Variants in MYRIP observed in about 807,000 individuals in gnomAD.
MYRIP encodes the protein rab effector MyRIP.
Under a neutral mutation model 98.0 loss-of-function variants are expected in MYRIP, and 49 were observed. The ratio of observed to expected loss-of-function variants is 0.50; its 90% CI spans 0.40 to 0.63. The LOEUF (loss-of-function observed/expected upper bound fraction) is 0.63, where lower values mean the gene tolerates loss of function less well. MYRIP is among the 30% of genes least tolerant of loss of function. The pLI, the probability that MYRIP is intolerant of heterozygous loss-of-function variation, is 0.00. For synonymous variants in MYRIP, 404 were observed against 409.5 expected, an observed-to-expected ratio of 0.99 and a Z score of 0.16; for missense variants, 1,004 against 1,058.2, an observed-to-expected ratio of 0.95 and a Z score of 0.71.
At chr3:40,154,787 C>T (rs966835048) in intron 4 of MYRIP, among the ~76,000 whole-genome samples, 1 of 151,910 alleles carries the variant, frequency 6.6e-6, no homozygotes, top group African/African-American at 2.4e-5. Flanking sequence ...TTTATGAGAA[C>T]AGAGAACACA....
intron 10 of MYRIP, among the ~76,000 whole-genome samples, chr3:40,202,038 T>G (rs1472341897): frequency 6.6e-6 from 1 of 152,192 alleles, no homozygotes; most frequent in African/African-American, 2.4e-5. Flanking sequence ...TTTGCCACAC[T>G]GAGTGCCCTA....
intron 3 of MYRIP, among the ~76,000 whole-genome samples, chr3:40,074,739 T>C (rs1199320533): frequency 1.3e-5 from 2 of 152,090 alleles, no homozygotes; most frequent in African/African-American, 2.4e-5. Context: ...AAAGGAGCTA[T>C]CCAAAATATA....
chr3:39,834,629 A>G (rs956222690), intron 1 of MYRIP, among the ~76,000 whole-genome samples: 29 of 152,188 alleles, frequency 1.9e-4, no homozygotes, highest in African/African-American at 5.8e-4. Flanking sequence ...GTCTCAGAAT[A>G]TTTTCATATG....
intron 3 of MYRIP, among the ~76,000 whole-genome samples, chr3:40,147,459 T>C (rs1320902770): frequency 6.6e-6 from 1 of 152,224 alleles, no homozygotes; most frequent in Non-Finnish European, 1.5e-5. Context: ...GATCATTTTA[T>C]ACTTTGTCTA....
At chr3:39,829,248 T>C (rs947194504) in intron 1 of MYRIP, among the ~76,000 whole-genome samples, 2 of 152,230 alleles carry the variant, frequency 1.3e-5, no homozygotes, top group Non-Finnish European at 2.9e-5. Context: ...GATCTTTTAC[T>C]GTAGAATTAT....
chr3:39,810,339 C>T (rs533061876), intron 1 of MYRIP: 1 of 152,566 alleles, frequency 6.6e-6, no homozygotes, highest in East Asian at 1.9e-4. Context: ...GGACCTGACT[C>T]AAACTCTTAA....
intron 12 of MYRIP, among the ~76,000 whole-genome samples, chr3:40,242,766 T>C (rs959619539): frequency 5.3e-5 from 8 of 152,286 alleles, no homozygotes; most frequent in African/African-American, 1.7e-4. Flanking sequence ...ATTTACTTTT[T>C]TGGTGTAGAT....
intron 9 of MYRIP, among the ~76,000 whole-genome samples, chr3:40,184,363 A>T (rs1010795747): frequency 3.3e-5 from 5 of 152,044 alleles, no homozygotes; most frequent in African/African-American, 7.2e-5. Context: ...AAAGTATAAT[A>T]AAAAAAATAC....
intron 2 of MYRIP, among the ~76,000 whole-genome samples, chr3:39,981,664 A>G (rs548994295): frequency 9.9e-5 from 15 of 152,236 alleles, no homozygotes; most frequent in Admixed American, 2.0e-4. Flanking sequence ...AGTCATTTTC[A>G]TTGTCAGCCT....
At chr3:40,021,002 C>A (rs1315440467) in intron 2 of MYRIP, among the ~76,000 whole-genome samples, 1 of 152,108 alleles carries the variant, frequency 6.6e-6, no homozygotes, top group Non-Finnish European at 1.5e-5. Flanking sequence ...CTCTTCTCTA[C>A]CTCCACAGAT....
intron 3 of MYRIP, among the ~76,000 whole-genome samples, chr3:40,080,270 C>A (rs916718232): frequency 3.3e-5 from 5 of 152,230 alleles, no homozygotes; most frequent in African/African-American, 1.2e-4. Context: ...GCATTCCTGG[C>A]ACAAACCCAG....
chr3:39,849,500 G>C (rs1942063322), intron 1 of MYRIP, among the ~76,000 whole-genome samples: 2 of 152,196 alleles, frequency 1.3e-5, no homozygotes, highest in South Asian at 4.1e-4. Context: ...GGGAGACAGA[G>C]GTCCAGCCTT....
chr3:40,254,376 CACAG>C (rs946094964), intron 16 of MYRIP, among the ~76,000 whole-genome samples: 15 of 145,808 alleles, frequency 1.0e-4, no homozygotes, highest in Admixed American at 1.0e-3. Context: ...CATCAGGTGA[CACAG>C]ACAAATGGGG....
chr3:40,212,231 CACACACACACACACATATATATATAT>C lies in MYRIP; in HGVS notation c.1905+2143_1905+2168del, dbSNP rs1559456844. On this transcript the variant is annotated intron_variant, in intron 11 of 16. Transcript: ENST00000302541. ...GTGTGTGTATATATATATATACACA[CACACACACACACACATATATATATAT>C]ACACGTATATATATAGAGAGAGAGC... Among the ~76,000 whole-genome samples, 8 of 33,972 alleles carry C rather than the reference CACACACACACACACATATATATATAT, an allele frequency of 2.4e-4. 1 individual carries two copies. Among genetic ancestry groups the C allele is most frequent in the African/African-American group, 5.7e-4 (8 of 14,118 alleles). 22.3% of individuals were successfully genotyped at this position (33,972 alleles called of 152,430 possible). A position where few individuals can be genotyped will look rare whatever the true frequency, so the allele number is the denominator to read the frequency against.
intron 2 of MYRIP, among the ~76,000 whole-genome samples, chr3:39,955,697 T>C (rs1945138878): frequency 1.3e-5 from 2 of 152,116 alleles, no homozygotes. Context: ...TAAATGTAAA[T>C]GGGCTAAATG....
At chr3:39,828,903 G>A (rs942740108) in intron 1 of MYRIP, among the ~76,000 whole-genome samples, 33 of 152,102 alleles carry the variant, frequency 2.2e-4, no homozygotes, top group Admixed American at 2.0e-3. Context: ...TTGGTTCCAC[G>A]ATTCTGCTAT....
At chr3:40,216,764 G>C (rs1298670825) in intron 11 of MYRIP, among the ~76,000 whole-genome samples, 1 of 152,134 alleles carries the variant, frequency 6.6e-6, no homozygotes, top group East Asian at 1.9e-4. Flanking sequence ...ACATGATGAA[G>C]AAAATCCACT....
chr3:40,159,419 C>T (rs561544498), intron 4 of MYRIP, among the ~76,000 whole-genome samples: 134 of 152,220 alleles, frequency 8.8e-4, no homozygotes, highest in African/African-American at 3.1e-3. Flanking sequence ...TCTCTGGCTG[C>T]CCTTAACATT....
intron 2 of MYRIP, among the ~76,000 whole-genome samples, chr3:39,904,914 T>C (rs1575364477): frequency 1.3e-5 from 2 of 152,120 alleles, no homozygotes; most frequent in Admixed American, 6.5e-5. Flanking sequence ...TGGGGGAAGA[T>C]AGAGAATTGA....
Sources: allele counts gnomAD v4.1 joint callset (sites outside exome capture counted in the v4.1 genomes callset), GRCh38; gene constraint gnomAD v4.1.1; transcripts MANE v1.5; gene names NCBI Gene and HGNC (gene_info 2026-07-23, HGNC 2026-07-21).